MRPS9: variants seen among roughly 807,000 people sequenced by gnomAD.
The protein encoded by MRPS9 is small ribosomal subunit protein uS9m.
MRPS9 carries 45 observed loss-of-function variants against 59.9 expected under a neutral mutation model. The ratio of observed to expected loss-of-function variants is 0.75; its 90% CI spans 0.59 to 0.96. The LOEUF is 0.96. Ranked by LOEUF, MRPS9 falls within the 40% of genes least tolerant of loss-of-function variation. The pLI, the probability that MRPS9 is intolerant of heterozygous loss-of-function variation, is 0.00. For synonymous variants in MRPS9, 171 were observed against 166.8 expected (o/e 1.03, Z -0.19); for missense variants, 473 against 481.1 (o/e 0.98, Z 0.16).
rs374200005 is a variant in MRPS9, at chr2:105,092,639, A to G, written c.820+70A>G. ...AAAACTACAATTATTTTTATTTGCT[A>G]TTGCTTTCTGGTATCCATTAGATTT... is the stretch of plus-strand genomic sequence containing the variant. On this transcript the variant is annotated intron_variant, in intron 8 of 10. Transcript: ENST00000258455. 48 of 1,289,776 alleles carry G rather than the reference A, an allele frequency of 3.7e-5. 1 individual carries two copies. The highest frequency in any genetic ancestry group is 2.0e-4 in the Middle Eastern group (1 of 4,894). The allele number at this position is 1,289,776 out of a possible 1,614,324, so 79.9% of individuals were successfully genotyped here.
At chr2:105,066,031 A>G (rs764612778) in intron 2 of MRPS9, among the ~76,000 whole-genome samples, 1 of 152,240 alleles carries the variant, frequency 6.6e-6, no homozygotes, top group Non-Finnish European at 1.5e-5. Flanking sequence ...TCCTGTTAGT[A>G]CTATTCCATG....
In MRPS9 at chr2:105,038,124, C is replaced by T; in HGVS notation, c.32C>T (p.Ala11Val). Residue 11 changes from alanine to valine, a missense_variant, in exon 1 of 11, where the codon GCA becomes GTA. By Grantham distance (64) the Ala-to-Val change is moderately conservative. Transcript: ENST00000258455. ...GCGCCCTGTGTGTCCTACGGCGGAGCAGTTTCGTACCGGCTTCTTCTCTGG... is the reference window on the plus strand; with the variant it reads ...GCGCCCTGTGTGTCCTACGGCGGAGTAGTTTCGTACCGGCTTCTTCTCTGG... MAAPCVSYGG[A>V]VSYRLLLWGR... is the part of the protein sequence containing the mutation. The T allele has an allele frequency of 6.2e-7, 1 of 1,613,964 alleles. No homozygotes were observed. Among genetic ancestry groups the T allele is most frequent in the Non-Finnish European group, 8.5e-7 (1 of 1,180,000 alleles).
intron 1 of MRPS9, among the ~76,000 whole-genome samples, chr2:105,043,047 G>GT (rs1184676881): frequency 1.3e-5 from 2 of 151,480 alleles, no homozygotes; most frequent in Non-Finnish European, 2.9e-5. Context: ...TAACATAAAG[G>GT]TTTTTTTAAA....
At chr2:105,079,933 C>T in intron 4 of MRPS9, 50 bp from the exon 5 acceptor site, 1 of 1,344,222 alleles carries the variant, frequency 7.4e-7, no homozygotes. Context: ...GCTATTTGGT[C>T]TGTCTCTGTG....
chr2:105,075,578 G>T (rs927217855), intron 4 of MRPS9, among the ~76,000 whole-genome samples: 1 of 152,140 alleles, frequency 6.6e-6, no homozygotes, highest in South Asian at 2.1e-4. Context: ...CCTTCAGAGG[G>T]TCACACAATT....
At chr2:105,055,760 A>C (rs1276615032) in intron 2 of MRPS9, among the ~76,000 whole-genome samples, 1 of 152,198 alleles carries the variant, frequency 6.6e-6, no homozygotes, top group Non-Finnish European at 1.5e-5. Context: ...TATTGTTTTT[A>C]TAAGTGGCTC....
chr2:105,060,486 G>A (rs1248245864), intron 2 of MRPS9, among the ~76,000 whole-genome samples: 1 of 152,106 alleles, frequency 6.6e-6, no homozygotes, highest in African/African-American at 2.4e-5. Flanking sequence ...TTACCATGTT[G>A]GTGAGGCTGG....
chr2:105,050,201 A>T (rs909231150), intron 2 of MRPS9, among the ~76,000 whole-genome samples: 2 of 151,758 alleles, frequency 1.3e-5, no homozygotes, highest in African/African-American at 4.8e-5. Flanking sequence ...GTGCAGTGGC[A>T]CGATCTTGGC....
Position 105,093,565 on chromosome 2 carries a change from T to G in MRPS9, c.856T>G (p.Tyr286Asp), listed in dbSNP as rs1265846177. ...RKTAKAEAIV[Y>D]KHGSGRIKVN... The stretch of plus-strand genomic sequence containing the variant: ...GACTGCAAAAGCAGAAGCAATTGTT[T>G]ATAAACATGGAAGTGGAAGAATAAA... The change falls in exon 9 of 11, where the codon TAT (tyrosine) becomes GAT (aspartate). Residue 286 changes from tyrosine to aspartate, a missense_variant. By Grantham distance (160) the Tyr-to-Asp change is radical. Transcript: ENST00000258455. The G allele has an allele frequency of 6.2e-7, 1 of 1,606,784 alleles. No individual in the cohort carries two copies. The highest frequency in any genetic ancestry group is 8.5e-7 in the Non-Finnish European group (1 of 1,176,198).
chr2:105,048,648 G>A (rs1679652515), intron 1 of MRPS9, among the ~76,000 whole-genome samples: 2 of 151,906 alleles, frequency 1.3e-5, no homozygotes, highest in Non-Finnish European at 2.9e-5. Context: ...ATGGAATAAA[G>A]TCTTAAGCTA....
chr2:105,082,990 C>T (rs1680377658), intron 5 of MRPS9, among the ~76,000 whole-genome samples: 1 of 152,088 alleles, frequency 6.6e-6, no homozygotes, highest in Non-Finnish European at 1.5e-5. Flanking sequence ...CTCAATGCAT[C>T]ATTGAGTACC....
At chr2:105,061,479 C>CAGT (rs1308464031) in intron 2 of MRPS9, among the ~76,000 whole-genome samples, 1 of 152,154 alleles carries the variant, frequency 6.6e-6, no homozygotes, top group Non-Finnish European at 1.5e-5. Context: ...CAAGAGACAG[C>CAGT]AGTAACTTCA....
intron 5 of MRPS9, among the ~76,000 whole-genome samples, chr2:105,086,725 T>G (rs1680453217): frequency 6.6e-6 from 1 of 152,202 alleles, no homozygotes; most frequent in African/African-American, 2.4e-5. Flanking sequence ...AGCTGAGAGC[T>G]GTTTTTTAAT....
intron 10 of MRPS9, chr2:105,099,446 T>C (rs1218294791): frequency 2.4e-6 from 1 of 415,744 alleles, no homozygotes; most frequent in Non-Finnish European, 4.3e-6. Context: ...CAGGTTTAAA[T>C]AATGTAACTT....
intron 7 of MRPS9, among the ~76,000 whole-genome samples, chr2:105,090,720 A>G (rs1306096795): frequency 2.0e-5 from 3 of 152,230 alleles, no homozygotes; most frequent in Non-Finnish European, 4.4e-5. Flanking sequence ...TTGATGTTCC[A>G]AATTTATTAC....
In MRPS9 at chr2:105,062,365, T is replaced by A. The variant is rs542417956; in HGVS notation, c.316-8948T>A. 7.0e-4 allele frequency among the ~76,000 whole-genome samples: 106 copies of A among 152,306 alleles called. 1 individual carries two copies. In the South Asian group the frequency reaches 0.021, roughly 30 times the overall value. On this transcript the variant is annotated intron_variant, in intron 2 of 10. Transcript: ENST00000258455. ...TAAGAGATGTCAGGAAACGCAGCCT[T>A]ACAGATGGTTGTCTTGATACTGAGT...
At chr2:105,086,915 A>G (rs964690523) in intron 5 of MRPS9, among the ~76,000 whole-genome samples, 4 of 152,084 alleles carry the variant, frequency 2.6e-5, no homozygotes, top group Non-Finnish European at 5.9e-5. Context: ...AGTGGGGAGC[A>G]TCCATTTTTT....
At chr2:105,084,247 A>AATATAGATATATATATATATATAT (rs754016660) in intron 5 of MRPS9, among the ~76,000 whole-genome samples, 40 of 139,588 alleles carry the variant, frequency 2.9e-4, no homozygotes, top group African/African-American at 7.6e-4. Context: ...TATATACCAA[A>AATATAGATATATATATATATATAT]ATATATATAT....
intron 7 of MRPS9, among the ~76,000 whole-genome samples, chr2:105,090,284 C>T (rs995438520): frequency 2.6e-5 from 4 of 152,132 alleles, no homozygotes; most frequent in East Asian, 1.9e-4. Context: ...TAGGGAAGCA[C>T]GGCAGATGTT....
Sources: allele counts gnomAD v4.1 joint callset (sites outside exome capture counted in the v4.1 genomes callset), GRCh38; gene constraint gnomAD v4.1.1; transcripts MANE v1.5; gene names NCBI Gene and HGNC (gene_info 2026-07-23, HGNC 2026-07-21).